Variants in MGAT3 observed in about 807,000 individuals in gnomAD.
MGAT3 encodes the protein beta-1,4-mannosyl-glycoprotein 4-beta-N-acetylglucosaminyltransferase.
In MGAT3, 9 loss-of-function variants were observed where a neutral mutation model predicts 29.8. The observed-to-expected ratio is 0.30, with a 90% CI of 0.18 to 0.53. The LOEUF (loss-of-function observed/expected upper bound fraction) is 0.53. MGAT3 is among the 20% of genes least tolerant of loss of function. The pLI is 0.96. For synonymous variants in MGAT3, 397 were observed against 348.9 expected (o/e 1.14, Z -1.54); for missense variants, 557 against 769.5 (o/e 0.72, Z 3.27).
chr22:39,467,463 C>T (rs1928681618), intron 1 of MGAT3, among the ~76,000 whole-genome samples: 1 of 152,130 alleles, frequency 6.6e-6, no homozygotes, highest in African/African-American at 2.4e-5. Flanking sequence ...AGCCCCATCT[C>T]TTTGGTTCCG....
chr22:39,473,890 A>G (rs1325880890), intron 1 of MGAT3, among the ~76,000 whole-genome samples: 5 of 152,006 alleles, frequency 3.3e-5, no homozygotes, highest in Non-Finnish European at 2.9e-5. Flanking sequence ...GGGCAGATGG[A>G]TGTGGAGTGC....
intron 1 of MGAT3, among the ~76,000 whole-genome samples, chr22:39,465,561 GAC>G (rs1338654301): frequency 6.6e-6 from 1 of 152,166 alleles, no homozygotes; most frequent in Non-Finnish European, 1.5e-5. Flanking sequence ...GCAGACACTA[GAC>G]ACGATCGAAC....
intron 1 of MGAT3, among the ~76,000 whole-genome samples, chr22:39,472,269 G>A (rs1172155635): frequency 6.6e-6 from 1 of 152,150 alleles, no homozygotes. Context: ...CCCCCTTGCA[G>A]GAGAGGCAGT....
intron 1 of MGAT3, among the ~76,000 whole-genome samples, chr22:39,463,245 C>T (rs1377753172): frequency 6.6e-6 from 1 of 152,254 alleles, no homozygotes; most frequent in East Asian, 1.9e-4. Context: ...GAGGCAAGCA[C>T]TATTATCATC....
chr22:39,487,922 A>C lies in MGAT3; in HGVS notation c.575A>C (p.Asn192Thr), dbSNP rs201916942. Residue 192 changes from asparagine (N) to threonine (T), a missense_variant, in exon 2 of 2, where the codon AAC (asparagine) becomes ACC (threonine). Around this residue, in one of 3 missense-constraint regions of MGAT3, gnomAD observed 243 missense variants for 444.0 expected, o/e 0.55. Transcript: ENST00000341184. The surrounding 1 kb of genome is among the most constrained non-coding windows in gnomAD (Gnocchi z 5.7). ...CGVPTVVQYS[N>T]LPTKERLVPR... ...GTGCCCACTGTGGTGCAGTACTCCA[A>C]CCTGCCCACCAAGGAGCGGCTGGTG... 1.1e-5 allele frequency: 17 copies of C among 1,606,712 alleles called. No homozygotes were observed. The Admixed American group carries it at 1.5e-4, about 14-fold the overall frequency.
chr22:39,467,763 G>A (rs1928694215), intron 1 of MGAT3, among the ~76,000 whole-genome samples: 1 of 144,614 alleles, frequency 6.9e-6, no homozygotes. Context: ...ATGGAGTCTG[G>A]ATCTGTCGCC....
At position 39,488,014 on chromosome 22, in the gene MGAT3, G is replaced by T. The variant is rs775323171; in HGVS notation, c.667G>T (p.Val223Leu). The T allele has an allele frequency of 4.3e-6, 7 of 1,613,184 alleles. No individual in the cohort carries two copies. The highest frequency in any genetic ancestry group is 5.1e-6 in the Non-Finnish European group (6 of 1,179,858). Residue 223 changes from valine (V) to leucine (L), a missense_variant, in exon 2 of 2, where the codon GTG (valine) becomes TTG (leucine). Transcript: ENST00000341184. ...CAACCACGAGTTCGACCTGCTGGACGTGCGCTTCCACGAGCTGGGCGACGT... is the reference window on the plus strand; with the variant it reads ...CAACCACGAGTTCGACCTGCTGGACTTGCGCTTCCACGAGCTGGGCGACGT... ...NVNHEFDLLD[V>L]RFHELGDVVD...
rs999473755 is a variant in MGAT3, at chr22:39,457,124, CGGAGCCCGGCTGGCGGG to C, written c.-430_-414del. Among the ~76,000 whole-genome samples, 1 of 141,430 alleles carries C rather than the reference CGGAGCCCGGCTGGCGGG, an allele frequency of 7.1e-6. No individual in the cohort carries two copies. The highest frequency in any genetic ancestry group is 6.9e-5 in the Admixed American group (1 of 14,412). The allele number at this position is 141,430 out of a possible 152,430, so 92.8% of individuals were successfully genotyped here. A position where few individuals can be genotyped will look rare whatever the true frequency, so the allele number is the denominator to read the frequency against. On this transcript the variant is annotated 5_prime_UTR_variant, in exon 1 of 2. Coordinates refer to ENST00000341184, the MANE Select transcript of MGAT3 (RefSeq NM_002409.5). This position sits in a 1 kb window ranked among gnomAD's most constrained non-coding sequence, Gnocchi z 6.8. ...AGGCGCCCCCGGCCCGGCGCGGCGG[CGGAGCCCGGCTGGCGGG>C]GGAGGGGAGGGGGTTGCGGAGGGGG...
chr22:39,489,664 G>A lies in MGAT3; in HGVS notation c.*715G>A, dbSNP rs545686911. The A allele has an allele frequency of 4.2e-5, 7 of 167,590 alleles. No homozygotes were observed. In the South Asian group the frequency reaches 1.2e-3, roughly 30 times the overall value. The allele number at this position is 167,590 out of a possible 1,614,324, so 10.4% of individuals were successfully genotyped here. A position where few individuals can be genotyped will look rare whatever the true frequency, so the allele number is the denominator to read the frequency against. On this transcript the variant is annotated 3_prime_UTR_variant, in exon 2 of 2. Coordinates refer to ENST00000341184, the MANE Select transcript of MGAT3 (RefSeq NM_002409.5). ...ACAGGGGCCTGGAGAACCCTGAGGA[G>A]CTTTCCTTTTGGTTCTAAACCCGGC...
intron 1 of MGAT3, among the ~76,000 whole-genome samples, chr22:39,466,201 G>A (rs772843662): frequency 6.6e-6 from 1 of 152,126 alleles, no homozygotes; most frequent in Non-Finnish European, 1.5e-5. Flanking sequence ...TTCTAACAGC[G>A]GGAAGAAAAG....
chr22:39,484,346 GA>G, intron 1 of MGAT3, among the ~76,000 whole-genome samples: 1 of 152,086 alleles, frequency 6.6e-6, no homozygotes, highest in East Asian at 1.9e-4. Context: ...GGTTCAGAAT[GA>G]TTAGGAGCCT....
chr22:39,461,169 A>G (rs1928487331), intron 1 of MGAT3, among the ~76,000 whole-genome samples: 1 of 152,218 alleles, frequency 6.6e-6, no homozygotes, highest in Non-Finnish European at 1.5e-5. Context: ...CAAGAGTGTC[A>G]TAATGGGAGC....
chr22:39,458,935 G>A (rs995201217), intron 1 of MGAT3, among the ~76,000 whole-genome samples: 1 of 152,200 alleles, frequency 6.6e-6, no homozygotes, highest in Admixed American at 6.5e-5. Context: ...ACTTGGTCCT[G>A]AGGACGGCAG....
At chr22:39,486,280 G>A (rs1929269979) in intron 1 of MGAT3, 2 of 350,062 alleles carry the variant, frequency 5.7e-6, no homozygotes, top group Admixed American at 4.3e-5. Flanking sequence ...GTATAGCTGG[G>A]ATTATAGGCA....
chr22:39,466,379 G>A (rs1928646943), intron 1 of MGAT3, among the ~76,000 whole-genome samples: 1 of 152,148 alleles, frequency 6.6e-6, no homozygotes, highest in Non-Finnish European at 1.5e-5. Flanking sequence ...CCTGGAAATT[G>A]GGTCATGGGA....
chr22:39,488,100 C>A lies in MGAT3; in HGVS notation c.753C>A (p.Leu251=). Residue 251 remains leucine, a synonymous_variant, in exon 2 of 2, where the codon CTC becomes CTA. Transcript: ENST00000341184. The stretch of plus-strand genomic sequence containing the variant: ...CGGCTTATGGGGAGCCGCGGCCGCT[C>A]AAGTTCCGGGAGATGCTGACCAATG... The part of the protein sequence containing the change: ...NFTAYGEPRP[L]KFREMLTNGT... 1 of 1,612,276 alleles carries A rather than the reference C, an allele frequency of 6.2e-7. No individual in the cohort carries two copies.
intron 1 of MGAT3, among the ~76,000 whole-genome samples, chr22:39,469,950 C>T (rs1418497145): frequency 6.6e-6 from 1 of 152,246 alleles, no homozygotes; most frequent in African/African-American, 2.4e-5. Context: ...GCAGGCTGGG[C>T]CTGCACCCCC....
intron 1 of MGAT3, among the ~76,000 whole-genome samples, chr22:39,474,730 C>G (rs1034083789): frequency 6.6e-6 from 1 of 152,236 alleles, no homozygotes; most frequent in Non-Finnish European, 1.5e-5. Flanking sequence ...CTGGCTAATC[C>G]CAAACATTCA....
chr22:39,469,634 G>A (rs939625511), intron 1 of MGAT3, among the ~76,000 whole-genome samples: 2 of 152,212 alleles, frequency 1.3e-5, no homozygotes, highest in Admixed American at 6.5e-5. Context: ...ACTGCCACCC[G>A]GGGCACAATG....
Sources: allele counts gnomAD v4.1 joint callset (sites outside exome capture counted in the v4.1 genomes callset), GRCh38; gene constraint gnomAD v4.1.1; regional missense constraint gnomAD v4.1.1; non-coding constraint Gnocchi (gnomAD v3.1); transcripts MANE v1.5; gene names NCBI Gene and HGNC (gene_info 2026-07-23, HGNC 2026-07-21).